FIBCD1: variants seen among roughly 807,000 people sequenced by gnomAD.
FIBCD1 encodes the protein fibrinogen C domain containing 1.
FIBCD1 carries 47 observed loss-of-function variants against 45.1 expected under a neutral mutation model. The ratio of observed to expected loss-of-function variants is 1.04; its 90% CI spans 0.82 to 1.33. FIBCD1 has a LOEUF of 1.33. FIBCD1 is among the 40% of genes most tolerant of loss of function. The pLI is 0.00. For missense variants in FIBCD1, 653 were observed against 682.2 expected (o/e 0.96, Z 0.48); for synonymous variants, 313 against 308.1 (o/e 1.02, Z -0.17).
intron 4 of FIBCD1, among the ~76,000 whole-genome samples, chr9:130,920,162 CA>C (rs55663204): frequency 0.21 from 32,507 of 152,146 alleles, 4,081 homozygotes; most frequent in Non-Finnish European, 0.29. Flanking sequence ...CTCACACAGC[CA>C]GGGGCGCTGG....
intron 2 of FIBCD1, among the ~76,000 whole-genome samples, chr9:130,927,307 A>G (rs1233849131): frequency 6.6e-6 from 1 of 152,130 alleles, no homozygotes; most frequent in Non-Finnish European, 1.5e-5. Context: ...TATAGGTTTA[A>G]ATTTCAGCTC....
chr9:130,931,214 C>G (rs1300435572), intron 1 of FIBCD1, among the ~76,000 whole-genome samples: 2 of 152,184 alleles, frequency 1.3e-5, no homozygotes, highest in East Asian at 3.9e-4. Context: ...AGCCATATCT[C>G]AAAACCAGGA....
Position 130,910,118 on chromosome 9 carries a change from G to C in FIBCD1, c.946+1674C>G, listed in dbSNP as rs1832010179. ...CTCCCTCAGCTTGCAGGGAGGGGTGGAGGGAGAGGCGCGAGCGGGAACCGG... is the reference window on the plus strand; with the variant it reads ...CTCCCTCAGCTTGCAGGGAGGGGTGCAGGGAGAGGCGCGAGCGGGAACCGG... On this transcript the variant is annotated intron_variant, in intron 5 of 6. Transcript: ENST00000372338. Among the ~76,000 whole-genome samples the C allele has an allele frequency of 7.9e-5, 12 of 152,370 alleles. No individual in the cohort carries two copies. In the South Asian group the frequency reaches 2.1e-3, roughly 26 times the overall value.
In FIBCD1 at chr9:130,926,976, C is replaced by A. The variant is rs938625353; in HGVS notation, c.553-2580G>T. Among the ~76,000 whole-genome samples the A allele has an allele frequency of 6.6e-6, 1 of 151,974 alleles. No homozygotes were observed. Among genetic ancestry groups the A allele is most frequent in the East Asian group, 1.9e-4 (1 of 5,162 alleles). ...ACCAGAAAAGGGATTTTCGGCCCAA[C>A]ACAGTAATCTTAGCACGTGGGGAGG... is the stretch of plus-strand genomic sequence containing the variant. On this transcript the variant is annotated intron_variant, in intron 2 of 6. Coordinates refer to ENST00000372338, the MANE Select transcript of FIBCD1 (RefSeq NM_032843.5). The surrounding 1 kb of genome is among the most constrained non-coding windows in gnomAD (Gnocchi z 4.1).
At chr9:130,919,018 G>A (rs1211705044) in intron 4 of FIBCD1, among the ~76,000 whole-genome samples, 4 of 152,182 alleles carry the variant, frequency 2.6e-5, no homozygotes, top group South Asian at 4.1e-4. Context: ...GACTGAAAAC[G>A]GTACCCCCAG....
intron 2 of FIBCD1, among the ~76,000 whole-genome samples, chr9:130,927,706 T>C (rs1226804827): frequency 6.6e-6 from 1 of 152,214 alleles, no homozygotes; most frequent in Non-Finnish European, 1.5e-5. Flanking sequence ...TCTCGCTCTG[T>C]TGCTCAGGCT....
At position 130,903,895 on chromosome 9, in the gene FIBCD1, G is replaced by A; in HGVS notation, c.*169C>T. On this transcript the variant is annotated 3_prime_UTR_variant, in exon 7 of 7. Coordinates refer to ENST00000372338, the MANE Select transcript of FIBCD1 (RefSeq NM_032843.5). ...GGGGTGGGGACGGCGAGAAGGCGAT[G>A]TGTGACTTCACCGGCCCAGGGAGCT... The A allele has an allele frequency of 7.2e-6, 6 of 835,564 alleles. No individual in the cohort carries two copies. The highest frequency in any genetic ancestry group is 2.1e-5 in the Admixed American group (1 of 48,714). The allele number at this position is 835,564 out of a possible 1,614,324, so 51.8% of individuals were successfully genotyped here.
chr9:130,917,771 C>A (rs35471924), intron 4 of FIBCD1, among the ~76,000 whole-genome samples: 53,972 of 152,022 alleles, frequency 0.36, 10,755 homozygotes, highest in African/African-American at 0.53. Flanking sequence ...CCTGGAGGGA[C>A]GACTGGTGCT....
At chr9:130,914,366 AGAG>A (rs1359506069) in intron 4 of FIBCD1, among the ~76,000 whole-genome samples, 1 of 152,250 alleles carries the variant, frequency 6.6e-6, no homozygotes, top group Non-Finnish European at 1.5e-5. Flanking sequence ...GCAAAGGAAC[AGAG>A]GAGACACCCG....
chr9:130,932,971 C>A (rs1394854195), intron 1 of FIBCD1, among the ~76,000 whole-genome samples: 1 of 152,182 alleles, frequency 6.6e-6, no homozygotes, highest in Non-Finnish European at 1.5e-5. Context: ...GAGGCTGGGG[C>A]TGGCGTGGCA....
intron 4 of FIBCD1, among the ~76,000 whole-genome samples, chr9:130,916,170 C>T (rs888028938): frequency 6.6e-5 from 10 of 152,214 alleles, no homozygotes; most frequent in Non-Finnish European, 1.0e-4. Context: ...ACCTTGTGAT[C>T]CACCCACCTT....
At position 130,911,056 on chromosome 9, in the gene FIBCD1, C is replaced by T. The variant is rs144241150; in HGVS notation, c.946+736G>A. Reference sequence around the variant, plus strand: ...GGCCACATAAGAGAATAAAAGCAGGCTGCCCCAGCCAGCCTCGGCAACCCG... The same window carrying T: ...GGCCACATAAGAGAATAAAAGCAGGTTGCCCCAGCCAGCCTCGGCAACCCG... On this transcript the variant is annotated intron_variant, in intron 5 of 6. Transcript: ENST00000372338. Among the ~76,000 whole-genome samples, 434 of 152,304 alleles carry T rather than the reference C, an allele frequency of 2.8e-3. 3 individuals are homozygous for T. The highest frequency in any genetic ancestry group is 0.01 in the African/African-American group (427 of 41,558).
rs1484431686 is a variant in FIBCD1 at position 130,905,417 on chromosome 9, A to T, written c.947-4T>A. ...AGGGCGTGGATCCTCTTGAGCCCTG[A>T]AGTTGGGGGGAAAATGGTGGGAGAA... On this transcript the variant is annotated splice_region_variant and splice_polypyrimidine_tract_variant and intron_variant, in intron 5 of 6. Coordinates refer to ENST00000372338, the MANE Select transcript of FIBCD1 (RefSeq NM_032843.5). The T allele has an allele frequency of 6.2e-7, 1 of 1,603,110 alleles. No individual in the cohort carries two copies. Among genetic ancestry groups the T allele is most frequent in the East Asian group, 2.2e-5 (1 of 44,638 alleles).
At chr9:130,909,059 C>T (rs1831988176) in intron 5 of FIBCD1, among the ~76,000 whole-genome samples, 1 of 152,136 alleles carries the variant, frequency 6.6e-6, no homozygotes, top group African/African-American at 2.4e-5. Context: ...GGTGGTGCTT[C>T]CCGCCAGGCA....
intron 4 of FIBCD1, among the ~76,000 whole-genome samples, chr9:130,913,150 C>T (rs1031418134): frequency 2.6e-5 from 4 of 152,210 alleles, no homozygotes; most frequent in Admixed American, 6.5e-5. Context: ...ATGAGTACCA[C>T]GCTGGCCCGG....
chr9:130,929,967 A>ACGGCAC lies in FIBCD1; in HGVS notation c.146_151dup (p.Gly49_Ala50dup), dbSNP rs1449164929. The ACGGCAC allele has an allele frequency of 6.5e-7, 1 of 1,548,744 alleles. No homozygotes were observed. The highest frequency in any genetic ancestry group is 8.7e-7 in the Non-Finnish European group (1 of 1,146,112). On this transcript the variant is annotated inframe_insertion, in exon 2 of 7. Transcript: ENST00000372338. ...CGCGTGGGCGTGGTTCAGGAAGAGC[A>ACGGCAC]CGGCACCGGTGACAGCTACAGCCAG...
intron 1 of FIBCD1, among the ~76,000 whole-genome samples, chr9:130,930,473 T>A (rs987608962): frequency 3.3e-5 from 4 of 122,528 alleles, no homozygotes; most frequent in Admixed American, 1.6e-4. Context: ...CGCGGGGAGA[T>A]GCAGGGAGAT....
chr9:130,910,111 A>G (rs961122547), intron 5 of FIBCD1, among the ~76,000 whole-genome samples: 1 of 152,094 alleles, frequency 6.6e-6, no homozygotes, highest in Non-Finnish European at 1.5e-5. Flanking sequence ...GCTTGCAGGG[A>G]GGGGTGGAGG....
intron 4 of FIBCD1, among the ~76,000 whole-genome samples, chr9:130,921,802 A>T (rs1266937096): frequency 6.6e-6 from 1 of 152,218 alleles, no homozygotes; most frequent in Non-Finnish European, 1.5e-5. Context: ...TGGCGTTAGG[A>T]AAACAAAAGA....
Sources: allele counts gnomAD v4.1 joint callset (sites outside exome capture counted in the v4.1 genomes callset), GRCh38; gene constraint gnomAD v4.1.1; non-coding constraint Gnocchi (gnomAD v3.1); transcripts MANE v1.5; gene names NCBI Gene and HGNC (gene_info 2026-07-23, HGNC 2026-07-21).